The following MYO3B variants were observed in gnomAD, a reference collection of about 807,000 sequenced individuals.
MYO3B encodes the protein myosin-IIIb.
MYO3B carries 156 observed loss-of-function variants against 174.6 expected under a neutral mutation model. That is an observed-to-expected ratio of 0.89 (90% confidence interval 0.78 to 1.02). MYO3B has a LOEUF of 1.02. Ranked by LOEUF, MYO3B falls within the 50% of genes least tolerant of loss-of-function variation. The pLI is 0.00. For missense variants in MYO3B, 1,632 were observed against 1,639.4 expected, an observed-to-expected ratio of 1.00 and a Z score of 0.08; for synonymous variants, 563 against 569.1, an observed-to-expected ratio of 0.99 and a Z score of 0.15.
intron 25 of MYO3B, among the ~76,000 whole-genome samples, chr2:170,480,254 T>C (rs546234585): frequency 2.6e-5 from 4 of 152,288 alleles, no homozygotes; most frequent in Non-Finnish European, 5.9e-5. Flanking sequence ...CCCTTTCTGA[T>C]TGTGGGTCAT....
intron 8 of MYO3B, among the ~76,000 whole-genome samples, chr2:170,364,103 T>TA (rs1415959639): frequency 6.6e-6 from 1 of 152,154 alleles, no homozygotes; most frequent in Non-Finnish European, 1.5e-5. Flanking sequence ...TGGCAATTAT[T>TA]AAGAGTTCTT....
intron 20 of MYO3B, among the ~76,000 whole-genome samples, chr2:170,405,082 C>T (rs991650643): frequency 9.2e-5 from 14 of 152,146 alleles, no homozygotes; most frequent in South Asian, 4.1e-4. Flanking sequence ...ACCACAATAG[C>T]AAAGATCGTG....
Position 170,386,235 on chromosome 2 carries a change from C to A in MYO3B, c.1337C>A (p.Ala446Asp). 1 of 1,613,540 alleles carries A rather than the reference C, an allele frequency of 6.2e-7. No individual in the cohort carries two copies. Among genetic ancestry groups the A allele is most frequent in the Non-Finnish European group, 8.5e-7 (1 of 1,179,620 alleles). Residue 446 changes from alanine (A) to aspartate (D), a missense_variant, in exon 13 of 35, where the codon GCC (alanine) becomes GAC (aspartate). Ala to Asp is a moderately radical substitution (Grantham distance 126). Transcript: ENST00000408978. ...AGTGGCTCTGGGAAGACAGAAAGCG[C>A]CCACCTGATTGTTCAGCATTTGACT... ...GESGSGKTESAHLIVQHLTFL... is the reference protein window; with the variant it reads ...GESGSGKTESDHLIVQHLTFL...
In MYO3B at chr2:170,517,818, G is replaced by A. The variant is rs77103479; in HGVS notation, c.3473-1620G>A. On this transcript the variant is annotated intron_variant, in intron 29 of 34. Transcript: ENST00000408978. ...AAACAGTGATTTAGAATCTCCAAGA[G>A]GGGGGAAAACCTGCCTGGTGCTCTA... Among the ~76,000 whole-genome samples the A allele has an allele frequency of 6.6e-5, 10 of 151,762 alleles. No individual in the cohort carries two copies. The East Asian group carries it at 1.7e-3, about 26-fold the overall frequency.
At chr2:170,634,852 G>A (rs1697329387) in intron 32 of MYO3B, among the ~76,000 whole-genome samples, 2 of 152,302 alleles carry the variant, frequency 1.3e-5, no homozygotes, top group South Asian at 4.1e-4. Context: ...GCAGCCAACA[G>A]ACACATGAAA....
intron 32 of MYO3B, among the ~76,000 whole-genome samples, chr2:170,603,269 T>C (rs1158026479): frequency 6.6e-6 from 1 of 152,096 alleles, no homozygotes; most frequent in Admixed American, 6.6e-5. Flanking sequence ...TAGTATTGTT[T>C]GAAGTGGAAA....
chr2:170,228,146 C>T (rs1313370101), intron 6 of MYO3B, among the ~76,000 whole-genome samples: 1 of 152,114 alleles, frequency 6.6e-6, no homozygotes, highest in Admixed American at 6.6e-5. Context: ...GACTGCGGCT[C>T]TCTGAATATG....
chr2:170,252,652 A>G (rs997198370), intron 7 of MYO3B, among the ~76,000 whole-genome samples: 1 of 152,226 alleles, frequency 6.6e-6, no homozygotes, highest in Non-Finnish European at 1.5e-5. Flanking sequence ...GTAAAAATAA[A>G]TAATATGCTA....
At chr2:170,288,289 C>A (rs2093571914) in intron 7 of MYO3B, among the ~76,000 whole-genome samples, 1 of 151,282 alleles carries the variant, frequency 6.6e-6, no homozygotes, top group African/African-American at 2.4e-5. Context: ...ATAGGGACTT[C>A]ATTGAATCTG....
chr2:170,602,095 C>T, intron 32 of MYO3B: 2 of 1,175,214 alleles, frequency 1.7e-6, no homozygotes, highest in Non-Finnish European at 1.3e-6. Context: ...CCTCTCTGAG[C>T]ACTTCTTAGA....
chr2:170,410,198 A>G (rs1164018634), intron 22 of MYO3B, among the ~76,000 whole-genome samples: 1 of 152,214 alleles, frequency 6.6e-6, no homozygotes, highest in East Asian at 1.9e-4. Flanking sequence ...GCACTAGTTC[A>G]GTAAGCATAT....
intron 7 of MYO3B, among the ~76,000 whole-genome samples, chr2:170,329,809 C>G (rs1025655099): frequency 2.0e-5 from 3 of 152,080 alleles, no homozygotes; most frequent in African/African-American, 7.2e-5. Flanking sequence ...AATTTAGGAA[C>G]AGCTGGGGCA....
intron 1 of MYO3B, among the ~76,000 whole-genome samples, chr2:170,186,195 C>T (rs1376473470): frequency 6.6e-6 from 1 of 152,186 alleles, no homozygotes; most frequent in African/African-American, 2.4e-5. Flanking sequence ...AAGTGGGCAT[C>T]CTTGTCATAT....
At chr2:170,563,147 TAC>T (rs1191919984) in intron 32 of MYO3B, among the ~76,000 whole-genome samples, 1 of 117,936 alleles carries the variant, frequency 8.5e-6, no homozygotes, top group Non-Finnish European at 1.7e-5. Context: ...CACACACACA[TAC>T]ACACACACAC....
At chr2:170,275,748 T>TA (rs920837929) in intron 7 of MYO3B, among the ~76,000 whole-genome samples, 4 of 151,864 alleles carry the variant, frequency 2.6e-5, no homozygotes, top group East Asian at 3.8e-4. Context: ...ATCTGTGCAT[T>TA]AAAAAAAATA....
intron 22 of MYO3B, among the ~76,000 whole-genome samples, chr2:170,409,560 A>C (rs2094532693): frequency 6.6e-6 from 1 of 152,258 alleles, no homozygotes; most frequent in South Asian, 2.1e-4. Context: ...TTTTGAGTAT[A>C]GTTAAGAAGC....
intron 22 of MYO3B, among the ~76,000 whole-genome samples, chr2:170,433,406 G>A (rs1041356506): frequency 6.6e-6 from 1 of 152,210 alleles, no homozygotes; most frequent in African/African-American, 2.4e-5. Flanking sequence ...TTAGCAAAAA[G>A]AGATTTATAT....
chr2:170,569,175 C>A (rs903256278), intron 32 of MYO3B, among the ~76,000 whole-genome samples: 1 of 152,186 alleles, frequency 6.6e-6, no homozygotes, highest in South Asian at 2.1e-4. Context: ...CTCAATACTA[C>A]TCCAGGGAAC....
At chr2:170,516,017 G>T (rs1385418930) in intron 29 of MYO3B, among the ~76,000 whole-genome samples, 1 of 152,128 alleles carries the variant, frequency 6.6e-6, no homozygotes, top group Non-Finnish European at 1.5e-5. Flanking sequence ...CTGACTGAGG[G>T]TGCAGATCAC....
Sources: gnomAD v4.1 joint callset for allele counts (sites outside exome capture counted in the v4.1 genomes callset) on GRCh38, gnomAD v4.1.1 for gene constraint, MANE v1.5 for transcripts, NCBI Gene and HGNC (gene_info 2026-07-23, HGNC 2026-07-21) for gene names.